MAP4K3: variants seen among roughly 807,000 people sequenced by gnomAD.
MAP4K3 encodes MAPK/ERK kinase kinase kinase 3.
A neutral mutation model predicts 143.5 loss-of-function variants in MAP4K3; 94 were observed. That is an observed-to-expected ratio of 0.65 (90% CI 0.55 to 0.78). MAP4K3 has a LOEUF of 0.78. Among genes scored for constraint, MAP4K3 ranks in the 30% least tolerant of loss-of-function variants. The pLI, the probability that MAP4K3 is intolerant of heterozygous loss-of-function variation, is 0.00. For missense variants in MAP4K3, 1,077 were observed against 1,068.1 expected (o/e 1.01, Z -0.12); for synonymous variants, 416 against 347.2 (o/e 1.20, Z -2.20).
intron 12 of MAP4K3, among the ~76,000 whole-genome samples, chr2:39,320,884 A>C (rs566060797): frequency 6.6e-6 from 1 of 152,292 alleles, no homozygotes; most frequent in South Asian, 2.1e-4. Flanking sequence ...ATAATTCATA[A>C]ACATTATGCT....
chr2:39,278,794 C>G (rs1681385261), intron 23 of MAP4K3, among the ~76,000 whole-genome samples: 1 of 152,070 alleles, frequency 6.6e-6, no homozygotes, highest in South Asian at 2.1e-4. Context: ...TTCTAAAACC[C>G]CCTAAAGACA....
rs777338438 is a variant in MAP4K3, at chr2:39,288,249, T to A, written c.1346A>T (p.His449Leu). ...PKSIFIPQEM[H>L]STEDENQGTI... ...TCCTTGATTTTCATCCTCAGTAGAA[T>A]GCATTTCCTGTGGTATGAAGATAGA... The change falls in exon 20 of 34, where the codon CAT (histidine) becomes CTT (leucine). Residue 449 changes from histidine to leucine, a missense_variant. His to Leu is a moderately conservative substitution (Grantham distance 99). Around this residue, in one of 2 missense-constraint regions of MAP4K3, gnomAD observed 864 missense variants for 801.2 expected, o/e 1.08. Coordinates refer to ENST00000263881, the MANE Select transcript of MAP4K3 (RefSeq NM_003618.4). 4.8e-5 allele frequency: 77 copies of A among 1,614,086 alleles called. No individual in the cohort carries two copies. The highest frequency in any genetic ancestry group is 6.4e-5 in the Non-Finnish European group (75 of 1,179,956).
chr2:39,395,673 T>C (rs982292152), intron 1 of MAP4K3, among the ~76,000 whole-genome samples: 2 of 152,254 alleles, frequency 1.3e-5, no homozygotes, highest in Admixed American at 6.5e-5. Context: ...AACAAAACTT[T>C]GTTTACTAAA....
intron 3 of MAP4K3, among the ~76,000 whole-genome samples, chr2:39,348,741 A>G (rs932447171): frequency 6.6e-6 from 1 of 152,166 alleles, no homozygotes; most frequent in Non-Finnish European, 1.5e-5. Context: ...TATTTATCTT[A>G]TAAGAAACAG....
intron 29 of MAP4K3, among the ~76,000 whole-genome samples, chr2:39,260,370 C>A (rs1680518230): frequency 6.6e-6 from 1 of 152,164 alleles, no homozygotes; most frequent in African/African-American, 2.4e-5. Context: ...CTCACCTTGG[C>A]CTCCCAAAGT....
At chr2:39,398,055 T>C (rs1558687213) in intron 1 of MAP4K3, among the ~76,000 whole-genome samples, 2 of 152,180 alleles carry the variant, frequency 1.3e-5, no homozygotes, top group Non-Finnish European at 2.9e-5. Context: ...AAATGCAAGA[T>C]ATATATACAG....
intron 12 of MAP4K3, among the ~76,000 whole-genome samples, chr2:39,318,526 A>T (rs1310025610): frequency 6.6e-6 from 1 of 152,162 alleles, no homozygotes; most frequent in Admixed American, 6.5e-5. Context: ...TAAATGTAAT[A>T]CACACTAACC....
intron 2 of MAP4K3, among the ~76,000 whole-genome samples, chr2:39,370,645 C>T (rs543030613): frequency 3.7e-4 from 56 of 152,308 alleles, no homozygotes; most frequent in African/African-American, 1.1e-3. Context: ...GTTGCTCTCA[C>T]GGAAACAAAG....
At chr2:39,388,618 T>G (rs574097551) in intron 1 of MAP4K3, among the ~76,000 whole-genome samples, 2 of 152,046 alleles carry the variant, frequency 1.3e-5, no homozygotes, top group South Asian at 4.2e-4. Context: ...CACAGGTAGG[T>G]TGGGGAAAAG....
At chr2:39,395,525 A>G (rs2148600933) in intron 1 of MAP4K3, among the ~76,000 whole-genome samples, 1 of 152,322 alleles carries the variant, frequency 6.6e-6, no homozygotes, top group Non-Finnish European at 1.5e-5. Flanking sequence ...AGGCTAAACT[A>G]TCAGCTCCCT....
chr2:39,253,685 G>C (rs1680236371), intron 32 of MAP4K3, among the ~76,000 whole-genome samples: 1 of 152,186 alleles, frequency 6.6e-6, no homozygotes, highest in African/African-American at 2.4e-5. Flanking sequence ...AACGCTCTGA[G>C]CTTAATGAAT....
intron 8 of MAP4K3, among the ~76,000 whole-genome samples, chr2:39,330,132 C>G (rs1214042731): frequency 6.6e-6 from 1 of 151,998 alleles, no homozygotes; most frequent in Admixed American, 6.6e-5. Flanking sequence ...CTTCCCAAAA[C>G]TGAAAAGACA....
intron 1 of MAP4K3, among the ~76,000 whole-genome samples, chr2:39,419,939 GAA>G (rs1177544336): frequency 3.3e-5 from 5 of 152,196 alleles, no homozygotes; most frequent in African/African-American, 1.2e-4. Flanking sequence ...GCAAGGTATG[GAA>G]ACGGAAAGAT....
chr2:39,282,608 T>C (rs370622491), intron 21 of MAP4K3, 54 bp from the exon 22 acceptor site: 3 of 1,139,584 alleles, frequency 2.6e-6, no homozygotes, highest in Non-Finnish European at 3.9e-6. Flanking sequence ...TTTGATATAA[T>C]AATACTGTAT....
chr2:39,342,658 C>T (rs1261599520), intron 4 of MAP4K3, among the ~76,000 whole-genome samples: 3 of 152,076 alleles, frequency 2.0e-5, no homozygotes, highest in African/African-American at 7.2e-5. Context: ...AAAATTCTGA[C>T]CCAAATAGTC....
chr2:39,391,143 C>T (rs1666641878), intron 1 of MAP4K3, among the ~76,000 whole-genome samples: 1 of 151,888 alleles, frequency 6.6e-6, no homozygotes, highest in South Asian at 2.1e-4. Context: ...ATCACGAGGT[C>T]AGGAGATCAA....
At chr2:39,418,144 C>A (rs1043085859) in intron 1 of MAP4K3, among the ~76,000 whole-genome samples, 1 of 149,622 alleles carries the variant, frequency 6.7e-6, no homozygotes, top group South Asian at 2.1e-4. Flanking sequence ...CAGAAGGTTG[C>A]AGTGAGCAGA....
chr2:39,427,944 G>A (rs927478222), intron 1 of MAP4K3, among the ~76,000 whole-genome samples: 2 of 152,104 alleles, frequency 1.3e-5, no homozygotes, highest in East Asian at 1.9e-4. Flanking sequence ...TTCTACAGCA[G>A]TATTTTTAAC....
intron 31 of MAP4K3, 105 bp downstream of exon 31, chr2:39,258,243 T>C: frequency 1.1e-6 from 1 of 881,084 alleles, no homozygotes; most frequent in East Asian, 2.7e-5. Flanking sequence ...TATCCTTTAT[T>C]TTAAAAAAAG....
Sources: gnomAD v4.1 joint callset for allele counts (sites outside exome capture counted in the v4.1 genomes callset) on GRCh38, gnomAD v4.1.1 for gene constraint, gnomAD v4.1.1 regional missense constraint, MANE v1.5 for transcripts, NCBI Gene and HGNC (gene_info 2026-07-23, HGNC 2026-07-21) for gene names.